ABLIM1: variants seen among roughly 807,000 people sequenced by gnomAD.
ABLIM1 encodes the protein actin-binding LIM protein 1.
ABLIM1 carries 40 observed loss-of-function variants against 107.0 expected under a neutral mutation model. The observed-to-expected ratio is 0.37, with a 90% confidence interval of 0.29 to 0.49. The LOEUF (loss-of-function observed/expected upper bound fraction) is 0.49, where lower values mean the gene tolerates loss of function less well. Ranked by LOEUF, ABLIM1 falls within the 20% of genes least tolerant of loss-of-function variation. The pLI, the probability that ABLIM1 is intolerant of heterozygous loss-of-function variation, is 0.97. For missense variants in ABLIM1, 857 were observed against 1,008.5 expected (o/e 0.85, Z 2.04); for synonymous variants, 357 against 357.3 (o/e 1.00, Z 0.01).
intron 2 of ABLIM1, among the ~76,000 whole-genome samples, chr10:114,586,281 A>G (rs2074183435): frequency 6.6e-6 from 1 of 152,166 alleles, no homozygotes; most frequent in Non-Finnish European, 1.5e-5. Context: ...TGTGCTGTGT[A>G]TAGCGCTGGG....
chr10:114,580,213 ATATATAT>A (rs1247160241), intron 2 of ABLIM1, among the ~76,000 whole-genome samples: 34 of 145,434 alleles, frequency 2.3e-4, no homozygotes, highest in African/African-American at 8.4e-4. Context: ...TATTATATAT[ATATATAT>A]TTTTTAGACA....
chr10:114,464,900 T>C (rs2064820774), intron 12 of ABLIM1, among the ~76,000 whole-genome samples: 1 of 152,190 alleles, frequency 6.6e-6, no homozygotes, highest in Admixed American at 6.5e-5. Context: ...GGCCAGAATC[T>C]TCCTTGTGAA....
At position 114,608,700 on chromosome 10, in the gene ABLIM1, CAAAAT is replaced by C. The variant is rs1170131347; in HGVS notation, c.245-6744_245-6740del. Among the ~76,000 whole-genome samples the C allele has an allele frequency of 2.6e-5, 4 of 151,458 alleles. No homozygotes were observed. In the East Asian group the frequency reaches 7.8e-4, roughly 30 times the overall value. ...ATAAATAAATAAACAAACAAACAAA[CAAAAT>C]AAAGCTTATTTTAAAAAGAAAAACA... On this transcript the variant is annotated intron_variant, in intron 1 of 22. Transcript: ENST00000533213.
intron 1 of ABLIM1, among the ~76,000 whole-genome samples, chr10:114,678,860 T>A (rs894623951): frequency 1.3e-5 from 2 of 152,228 alleles, no homozygotes; most frequent in Admixed American, 1.3e-4. Context: ...TAACTGAGCA[T>A]AATAATTTTA....
the ABLIM1 span, among the ~76,000 whole-genome samples, chr10:114,795,510 C>A: frequency 6.6e-6 from 1 of 152,076 alleles, no homozygotes; most frequent in South Asian, 2.1e-4. Context: ...AGTTTGAGAC[C>A]AGCCTGGCCA....
intron 1 of ABLIM1, among the ~76,000 whole-genome samples, chr10:114,753,581 G>A (rs1307434083): frequency 6.6e-6 from 1 of 151,950 alleles, no homozygotes; most frequent in Non-Finnish European, 1.5e-5. Flanking sequence ...TATGTGAAAA[G>A]GCAAAGCAGC....
Position 114,437,882 on chromosome 10 carries a change from T to C in ABLIM1, c.2185A>G (p.Asn729Asp). ...EMLMVTNRGR[N>D]KILREVDRTR... ...CTGTCCACCTCTCTGAGGATTTTGT[T>C]TCGCCCTCTGTTGGTCACCATGAGC... Residue 729 changes from asparagine (N) to aspartate (D), a missense_variant, in exon 22 of 23, where the codon AAC becomes GAC. Physicochemically the swap from Asn to Asp is conservative, Grantham distance 23. This residue lies in a region of ABLIM1 where 193 missense variants were observed against 208.5 expected (regional missense o/e 0.93). Transcript: ENST00000533213. 1 of 1,614,170 alleles carries C rather than the reference T, an allele frequency of 6.2e-7. No homozygotes were observed. The highest frequency in any genetic ancestry group is 8.5e-7 in the Non-Finnish European group (1 of 1,180,024).
intron 6 of ABLIM1, among the ~76,000 whole-genome samples, chr10:114,525,136 A>G (rs1019230400): frequency 2.0e-5 from 3 of 152,218 alleles, no homozygotes; most frequent in Admixed American, 6.5e-5. Flanking sequence ...CCTGGTGTGT[A>G]GAGATCAAGG....
At chr10:114,468,144 T>G (rs757451685) in intron 11 of ABLIM1, 37 bp downstream of exon 11, 9 of 1,590,986 alleles carry the variant, frequency 5.7e-6, no homozygotes, top group South Asian at 1.1e-5. Context: ...ATTCTCAAAT[T>G]CCACCCATTA....
intron 6 of ABLIM1, among the ~76,000 whole-genome samples, chr10:114,541,342 A>G (rs1405220360): frequency 6.6e-6 from 1 of 152,132 alleles, no homozygotes; most frequent in Non-Finnish European, 1.5e-5. Context: ...GAAAACTAAT[A>G]CATTTGTAAA....
At chr10:114,577,471 G>A (rs535148594) in intron 2 of ABLIM1, among the ~76,000 whole-genome samples, 2 of 152,074 alleles carry the variant, frequency 1.3e-5, no homozygotes, top group Non-Finnish European at 2.9e-5. Flanking sequence ...GTGTCAAAAG[G>A]GTAATCTGGT....
intron 1 of ABLIM1, among the ~76,000 whole-genome samples, chr10:114,721,087 G>A (rs1404794218): frequency 6.6e-6 from 1 of 152,222 alleles, no homozygotes; most frequent in Non-Finnish European, 1.5e-5. Flanking sequence ...GTTGGCACTT[G>A]TGCTCAGTTG....
the ABLIM1 span, among the ~76,000 whole-genome samples, chr10:114,791,410 C>T: frequency 1.3e-5 from 2 of 151,944 alleles, no homozygotes; most frequent in Non-Finnish European, 1.5e-5. Context: ...AGGCCAAAGC[C>T]GGCGGATCAC....
chr10:114,671,467 C>T (rs1474041263), intron 1 of ABLIM1, among the ~76,000 whole-genome samples: 1 of 152,160 alleles, frequency 6.6e-6, no homozygotes, highest in Non-Finnish European at 1.5e-5. Context: ...TGTTTATGCA[C>T]ACACACGGAT....
intron 6 of ABLIM1, among the ~76,000 whole-genome samples, chr10:114,512,898 AGG>A (rs1215243948): frequency 4.7e-5 from 7 of 150,346 alleles, no homozygotes; most frequent in African/African-American, 1.2e-4. Flanking sequence ...GAAGGAAGGA[AGG>A]AAGGAAGGAA....
chr10:114,645,042 A>C (rs76197364), intron 1 of ABLIM1, among the ~76,000 whole-genome samples: 3 of 152,348 alleles, frequency 2.0e-5, no homozygotes, highest in African/African-American at 7.2e-5. Context: ...TCTGTTCTTC[A>C]GAAACAAAAG....
intron 1 of ABLIM1, among the ~76,000 whole-genome samples, chr10:114,745,171 C>T (rs889366881): frequency 1.3e-5 from 2 of 152,164 alleles, no homozygotes; most frequent in African/African-American, 4.8e-5. Context: ...AAGCCACAAT[C>T]CTACTTCCTC....
chr10:114,555,421 T>A (rs2497731), intron 4 of ABLIM1, among the ~76,000 whole-genome samples: 56,446 of 152,010 alleles, frequency 0.37, 13,823 homozygotes, highest in African/African-American at 0.7. Context: ...TCTTCTTTTC[T>A]CAAATGCCCT....
chr10:114,556,882 A>G (rs1283752070), intron 4 of ABLIM1, among the ~76,000 whole-genome samples: 2 of 152,234 alleles, frequency 1.3e-5, no homozygotes, highest in Non-Finnish European at 2.9e-5. Context: ...CACCATGCGT[A>G]TGAGGTCAAC....
Sources: gnomAD v4.1 joint callset for allele counts (sites outside exome capture counted in the v4.1 genomes callset) on GRCh38, gnomAD v4.1.1 for gene constraint, gnomAD v4.1.1 regional missense constraint, MANE v1.5 for transcripts, NCBI Gene and HGNC (gene_info 2026-07-23, HGNC 2026-07-21) for gene names.